ST6GALNAC3: variants seen among roughly 807,000 people sequenced by gnomAD.
ST6GALNAC3 encodes the protein ST6 N-acetylgalactosaminide alpha-2,6-sialyltransferase 3.
ST6GALNAC3 carries 25 observed loss-of-function variants against 32.7 expected under a neutral mutation model. That is an observed-to-expected ratio of 0.76 (90% CI 0.56 to 1.07). The LOEUF (loss-of-function observed/expected upper bound fraction) is 1.07, where lower values mean the gene tolerates loss of function less well. ST6GALNAC3 is among the 50% of genes least tolerant of loss of function. The pLI is 0.00. For synonymous variants in ST6GALNAC3, 129 were observed against 133.1 expected, an observed-to-expected ratio of 0.97 and a Z score of 0.21; for missense variants, 355 against 382.4, an observed-to-expected ratio of 0.93 and a Z score of 0.60.
intron 1 of ST6GALNAC3, among the ~76,000 whole-genome samples, chr1:76,124,340 G>A (rs1649094913): frequency 6.6e-6 from 1 of 152,148 alleles, no homozygotes; most frequent in African/African-American, 2.4e-5. Flanking sequence ...TCAAGGTGAT[G>A]TGAAGAGATG....
intron 1 of ST6GALNAC3, among the ~76,000 whole-genome samples, chr1:76,205,460 T>C (rs1411129484): frequency 6.6e-6 from 1 of 152,112 alleles, no homozygotes; most frequent in African/African-American, 2.4e-5. Context: ...AAGACTGACC[T>C]TGGGGCCAAA....
chr1:76,534,875 A>G (rs1326598665), intron 3 of ST6GALNAC3, among the ~76,000 whole-genome samples: 3 of 152,212 alleles, frequency 2.0e-5, no homozygotes, highest in Admixed American at 1.3e-4. Flanking sequence ...TACAGGGGTC[A>G]GGATACCTAT....
intron 1 of ST6GALNAC3, among the ~76,000 whole-genome samples, chr1:76,237,943 T>C (rs1374572876): frequency 6.6e-6 from 1 of 152,230 alleles, no homozygotes; most frequent in Non-Finnish European, 1.5e-5. Flanking sequence ...TTGATGTTGA[T>C]TAATGATAAT....
chr1:76,196,841 C>A (rs1570398560), intron 1 of ST6GALNAC3, among the ~76,000 whole-genome samples: 1 of 152,150 alleles, frequency 6.6e-6, no homozygotes, highest in Non-Finnish European at 1.5e-5. Context: ...AGCTACTCAA[C>A]AAGCCAATGC....
intron 1 of ST6GALNAC3, among the ~76,000 whole-genome samples, chr1:76,228,103 A>AT (rs1343360850): frequency 6.6e-6 from 1 of 152,232 alleles, no homozygotes; most frequent in Non-Finnish European, 1.5e-5. Flanking sequence ...AAAGATGGCT[A>AT]TTGCAGGAAA....
At chr1:76,554,027 G>A (rs931000650) in intron 3 of ST6GALNAC3, among the ~76,000 whole-genome samples, 4 of 152,126 alleles carry the variant, frequency 2.6e-5, no homozygotes, top group African/African-American at 9.7e-5. Context: ...ACATTTAATG[G>A]TTCTTCTTTC....
intron 1 of ST6GALNAC3, among the ~76,000 whole-genome samples, chr1:76,098,463 A>G (rs995359031): frequency 6.6e-6 from 1 of 152,168 alleles, no homozygotes; most frequent in Non-Finnish European, 1.5e-5. Flanking sequence ...AACTTTTGCC[A>G]TTCTGTTAGG....
At position 76,210,433 on chromosome 1, in the gene ST6GALNAC3, A is replaced by AT. The variant is rs1450386361; in HGVS notation, c.19-103370dup. 2.0e-5 allele frequency among the ~76,000 whole-genome samples: 3 copies of AT among 152,234 alleles called. No individual in the cohort carries two copies. The East Asian group carries it at 5.8e-4, about 29-fold the overall frequency. On this transcript the variant is annotated intron_variant, in intron 1 of 4. Coordinates refer to ENST00000328299, the MANE Select transcript of ST6GALNAC3 (RefSeq NM_152996.4). The stretch of plus-strand genomic sequence containing the variant: ...GGTTGCCTTTTGTTCTAAATCTATG[A>AT]TTGAACCTTATCTATATTGAACCAA...
chr1:76,549,660 AT>A (rs943619422), intron 3 of ST6GALNAC3, among the ~76,000 whole-genome samples: 47 of 150,970 alleles, frequency 3.1e-4, no homozygotes, highest in East Asian at 1.4e-3. Context: ...TCTTTTACAT[AT>A]TTTTTTTTGT....
chr1:76,117,142 A>G lies in ST6GALNAC3; in HGVS notation c.18+42258A>G, dbSNP rs574414666. 4.6e-5 allele frequency among the ~76,000 whole-genome samples: 7 copies of G among 152,102 alleles called. 1 individual carries two copies. The South Asian group carries it at 1.0e-3, about 23-fold the overall frequency. On this transcript the variant is annotated intron_variant, in intron 1 of 4. Coordinates refer to ENST00000328299, the MANE Select transcript of ST6GALNAC3 (RefSeq NM_152996.4). The stretch of plus-strand genomic sequence containing the variant: ...TAGTTTCTGTCACTAATGTAAAATT[A>G]TTTTCTCTATATGTGCAGGTATTTG...
chr1:76,565,876 T>C (rs315009), intron 3 of ST6GALNAC3, among the ~76,000 whole-genome samples: 20,575 of 152,232 alleles, frequency 0.14, 2,643 homozygotes, highest in African/African-American at 0.33. Flanking sequence ...AGAAAGTACA[T>C]TCATGTAATT....
intron 3 of ST6GALNAC3, among the ~76,000 whole-genome samples, chr1:76,608,974 A>G (rs1277891668): frequency 6.6e-6 from 1 of 152,150 alleles, no homozygotes; most frequent in Non-Finnish European, 1.5e-5. Flanking sequence ...TTTTGCTGTT[A>G]TTATGAATGT....
intron 1 of ST6GALNAC3, among the ~76,000 whole-genome samples, chr1:76,279,341 A>G (rs11162112): frequency 0.062 from 9,397 of 152,290 alleles, 921 homozygotes; most frequent in African/African-American, 0.21. Context: ...TCTGCTGAAT[A>G]TGGCTTAGAT....
At chr1:76,458,663 C>G (rs1658035694) in intron 3 of ST6GALNAC3, among the ~76,000 whole-genome samples, 1 of 146,274 alleles carries the variant, frequency 6.8e-6, no homozygotes, top group Non-Finnish European at 1.5e-5. Context: ...CATATTCTCA[C>G]TCATAGGTGG....
chr1:76,161,504 G>T (rs17098252), intron 1 of ST6GALNAC3, among the ~76,000 whole-genome samples: 1,677 of 152,260 alleles, frequency 0.011, 29 homozygotes, highest in East Asian at 0.045. Context: ...TGGAGGATAG[G>T]TGCTGTGGGT....
chr1:76,565,566 A>G (rs1412889753), intron 3 of ST6GALNAC3, among the ~76,000 whole-genome samples: 1 of 152,204 alleles, frequency 6.6e-6, no homozygotes, highest in African/African-American at 2.4e-5. Context: ...CTCGGTAGAC[A>G]TGGAAGAAAA....
chr1:76,442,111 T>C lies in ST6GALNAC3; in HGVS notation c.623+29694T>C, dbSNP rs565710167. 7.5e-4 allele frequency among the ~76,000 whole-genome samples: 115 copies of C among 152,336 alleles called. No homozygotes were observed. The Middle Eastern group carries it at 0.01, about 14-fold the overall frequency. On this transcript the variant is annotated intron_variant, in intron 3 of 4. Transcript: ENST00000328299. ...GGCTGAGACCTTGAATTGTGTGTCC[T>C]GAGTCAGGTAAATTTATCTCAGTTG...
In ST6GALNAC3 at chr1:76,089,060, G is replaced by A. The variant is rs146877339; in HGVS notation, c.18+14176G>A. On this transcript the variant is annotated intron_variant, in intron 1 of 4. Transcript: ENST00000328299. ...TTTGTTTTTTTTGAGGTGGAGTCTC[G>A]CTCTGTCACCCAGGCTGGAGTGCAG... is the stretch of plus-strand genomic sequence containing the variant. Among the ~76,000 whole-genome samples the A allele has an allele frequency of 7.4e-3, 1,127 of 152,040 alleles. 18 individuals carry two copies. Among genetic ancestry groups the A allele is most frequent in the African/African-American group, 0.026 (1,072 of 41,482 alleles).
chr1:76,278,206 C>CCACTTG (rs1553172672), intron 1 of ST6GALNAC3, among the ~76,000 whole-genome samples: 1 of 141,852 alleles, frequency 7.0e-6, no homozygotes, highest in African/African-American at 2.9e-5. Context: ...CATGTATTCT[C>CCACTTG]ATTATTGCTA....
Sources: allele counts gnomAD v4.1 joint callset (sites outside exome capture counted in the v4.1 genomes callset), GRCh38; gene constraint gnomAD v4.1.1; transcripts MANE v1.5; gene names NCBI Gene and HGNC (gene_info 2026-07-23, HGNC 2026-07-21).